PRICKLE2: variants seen among roughly 807,000 people sequenced by gnomAD.
The protein encoded by PRICKLE2 is prickle-like protein 2.
A neutral mutation model predicts 81.4 loss-of-function variants in PRICKLE2; 21 were observed. That is an observed-to-expected ratio of 0.26 (90% CI 0.18 to 0.37). The LOEUF (loss-of-function observed/expected upper bound fraction) is 0.37. PRICKLE2 is among the 10% of genes least tolerant of loss of function. The pLI, the probability that PRICKLE2 is intolerant of heterozygous loss-of-function variation, is 1.00. For missense variants in PRICKLE2, 940 were observed against 1,109.0 expected (o/e 0.85, Z 2.16); for synonymous variants, 456 against 421.5 (o/e 1.08, Z -1.00).
At chr3:64,116,979 C>T (rs1289866472) in intron 7 of PRICKLE2, among the ~76,000 whole-genome samples, 3 of 152,192 alleles carry the variant, frequency 2.0e-5, no homozygotes, top group African/African-American at 4.8e-5. Context: ...TCCAGCAGCA[C>T]ATCAAAAAGC....
At chr3:64,121,227 A>C (rs2077021910) in intron 7 of PRICKLE2, among the ~76,000 whole-genome samples, 1 of 152,224 alleles carries the variant, frequency 6.6e-6, no homozygotes, top group Non-Finnish European at 1.5e-5. Flanking sequence ...AAGCCTTTCC[A>C]AACTATCCTC....
At chr3:64,237,759 C>T (rs1384163221) in intron 2 of PRICKLE2, among the ~76,000 whole-genome samples, 1 of 152,172 alleles carries the variant, frequency 6.6e-6, no homozygotes, top group Non-Finnish European at 1.5e-5. Context: ...TTCCCTGCCT[C>T]CTGTCCATAT....
chr3:64,252,661 G>C (rs1356819779), intron 2 of PRICKLE2, among the ~76,000 whole-genome samples: 1 of 152,206 alleles, frequency 6.6e-6, no homozygotes, highest in Non-Finnish European at 1.5e-5. Context: ...GGTGGGAAGA[G>C]GCATGGGAGT....
At chr3:64,153,956 T>A (rs2077586127) in intron 5 of PRICKLE2, 1 of 154,708 alleles carries the variant, frequency 6.5e-6, no homozygotes, top group Admixed American at 6.3e-5. Flanking sequence ...CCCTCACAAG[T>A]GTTTGCATTT....
intron 1 of PRICKLE2, among the ~76,000 whole-genome samples, chr3:64,219,539 T>C (rs2078920277): frequency 6.6e-6 from 1 of 152,174 alleles, no homozygotes; most frequent in African/African-American, 2.4e-5. Context: ...TTCCAAGCAA[T>C]CTCACACTTT....
At chr3:64,265,010 C>T (rs1416919717) in intron 2 of PRICKLE2, among the ~76,000 whole-genome samples, 1 of 152,174 alleles carries the variant, frequency 6.6e-6, no homozygotes, top group Non-Finnish European at 1.5e-5. Flanking sequence ...CCCACAGTAC[C>T]TGCGTCTGTT....
chr3:64,210,719 T>C (rs974985841), intron 1 of PRICKLE2, among the ~76,000 whole-genome samples: 6 of 152,234 alleles, frequency 3.9e-5, no homozygotes, highest in Non-Finnish European at 7.3e-5. Flanking sequence ...TTTTGAGCAG[T>C]GGAAATTCCT....
At chr3:64,198,173 C>T (rs1210159806) in intron 2 of PRICKLE2, among the ~76,000 whole-genome samples, 2 of 151,536 alleles carry the variant, frequency 1.3e-5, no homozygotes, top group Non-Finnish European at 1.5e-5. Context: ...GATCGCGCCA[C>T]TGCACTCCAG....
intron 3 of PRICKLE2, among the ~76,000 whole-genome samples, chr3:64,162,715 CAAGT>C (rs2077754579): frequency 6.6e-6 from 1 of 152,202 alleles, no homozygotes. Context: ...GCATATTCTT[CAAGT>C]AAGAAAACTT....
rs73832118 is a variant in PRICKLE2 at position 64,183,911 on chromosome 3, C to T, written c.144+14873G>A. Among the ~76,000 whole-genome samples, 693 of 152,294 alleles carry T rather than the reference C, an allele frequency of 4.6e-3. 7 individuals carry two copies. Among genetic ancestry groups the T allele is most frequent in the African/African-American group, 0.016 (654 of 41,566 alleles). On this transcript the variant is annotated intron_variant, in intron 2 of 7. Coordinates refer to ENST00000638394, the MANE Select transcript of PRICKLE2 (RefSeq NM_198859.4). The stretch of plus-strand genomic sequence containing the variant: ...ATTCCCTGGGTATTTACCCTGATGT[C>T]GTAGGGGAAGAGTGGTATATTAACT...
chr3:64,123,499 A>G (rs1407783731), intron 7 of PRICKLE2, among the ~76,000 whole-genome samples: 1 of 152,198 alleles, frequency 6.6e-6, no homozygotes, highest in African/African-American at 2.4e-5. Context: ...ATTGAGCATC[A>G]CCTTATTGCA....
At chr3:64,109,170 CCTT>C (rs1438244535) in intron 7 of PRICKLE2, among the ~76,000 whole-genome samples, 1 of 152,122 alleles carries the variant, frequency 6.6e-6, no homozygotes, top group Non-Finnish European at 1.5e-5. Flanking sequence ...GGTTGCCGCT[CCTT>C]CTTTCTAGAG....
chr3:64,227,900 AG>A (rs1332380396), upstream of PRICKLE2, among the ~76,000 whole-genome samples: 2 of 152,224 alleles, frequency 1.3e-5, no homozygotes, highest in Non-Finnish European at 2.9e-5. Flanking sequence ...AAAGCGGTAA[AG>A]GGAAGACTGC....
intron 7 of PRICKLE2, among the ~76,000 whole-genome samples, chr3:64,106,875 C>T (rs1008624262): frequency 2.6e-5 from 4 of 152,200 alleles, no homozygotes; most frequent in African/African-American, 9.6e-5. Flanking sequence ...AGTATCAGTA[C>T]CCCTACATCC....
intron 1 of PRICKLE2, among the ~76,000 whole-genome samples, chr3:64,212,288 CT>C (rs1485800881): frequency 2.5e-4 from 38 of 152,354 alleles, no homozygotes; most frequent in African/African-American, 8.7e-4. Context: ...CTCCACTTCA[CT>C]TTGTCTACAT....
At chr3:64,134,315 G>A (rs181618498) in intron 7 of PRICKLE2, among the ~76,000 whole-genome samples, 197 of 152,298 alleles carry the variant, frequency 1.3e-3, no homozygotes, top group African/African-American at 4.2e-3. Context: ...AGCTGCAGAC[G>A]GGGCTTCCGA....
At chr3:64,230,000 G>A (rs913014359), upstream of PRICKLE2, among the ~76,000 whole-genome samples, 9 of 152,182 alleles carry the variant, frequency 5.9e-5, no homozygotes, top group African/African-American at 1.9e-4. Context: ...TCTAAGTAGC[G>A]ACTCAGGGAT....
intron 2 of PRICKLE2, among the ~76,000 whole-genome samples, chr3:64,250,617 G>C (rs142075140): frequency 5.3e-5 from 8 of 152,160 alleles, no homozygotes; most frequent in Non-Finnish European, 8.8e-5. Context: ...GAGTTAGAAG[G>C]CCTCACTCAT....
chr3:64,236,033 T>A (rs1252875779), intron 2 of PRICKLE2, among the ~76,000 whole-genome samples: 1 of 152,208 alleles, frequency 6.6e-6, no homozygotes, highest in South Asian at 2.1e-4. Context: ...AAGATTTAGA[T>A]TTCCTTGTGT....
Sources: gnomAD v4.1 joint callset for allele counts (sites outside exome capture counted in the v4.1 genomes callset) on GRCh38, gnomAD v4.1.1 for gene constraint, MANE v1.5 for transcripts, NCBI Gene and HGNC (gene_info 2026-07-23, HGNC 2026-07-21) for gene names.